USP43: variants seen among roughly 807,000 people sequenced by gnomAD.
The protein encoded by USP43 is ubiquitin specific peptidase 43, also known as ubiquitin carboxyl-terminal hydrolase 43.
A neutral mutation model predicts 90.7 loss-of-function variants in USP43; 33 were observed. That is an observed-to-expected ratio of 0.36 (90% CI 0.28 to 0.49). The LOEUF (loss-of-function observed/expected upper bound fraction) is 0.49, where lower values mean the gene tolerates loss of function less well. Among genes scored for constraint, USP43 ranks in the 20% least tolerant of loss-of-function variants. USP43 has a pLI of 0.98. For synonymous variants in USP43, 598 were observed against 615.8 expected, an observed-to-expected ratio of 0.97 and a Z score of 0.43; for missense variants, 1,274 against 1,476.4, an observed-to-expected ratio of 0.86 and a Z score of 2.25.
intron 1 of USP43, among the ~76,000 whole-genome samples, chr17:9,649,892 T>G (rs1367874806): frequency 2.0e-5 from 3 of 152,072 alleles, no homozygotes; most frequent in African/African-American, 7.2e-5. Flanking sequence ...AATTAAGTCT[T>G]TAACAATTAA....
intron 5 of USP43, among the ~76,000 whole-genome samples, chr17:9,679,499 C>G (rs1201891689): frequency 2.7e-5 from 4 of 150,086 alleles, no homozygotes. Flanking sequence ...GCCACGGTGC[C>G]CAGCCCTGAA....
chr17:9,717,889 C>A (rs1047972128), intron 14 of USP43, among the ~76,000 whole-genome samples: 1 of 151,716 alleles, frequency 6.6e-6, no homozygotes, highest in Non-Finnish European at 1.5e-5. Context: ...CTCCGCCTCC[C>A]GGGTTCAAGC....
intron 12 of USP43, among the ~76,000 whole-genome samples, chr17:9,705,359 TC>T (rs1170322369): frequency 6.6e-6 from 1 of 152,064 alleles, no homozygotes; most frequent in Non-Finnish European, 1.5e-5. Flanking sequence ...CTAGACAGCT[TC>T]TCCATCTTCT....
rs1379329349 is a variant in USP43, at chr17:9,727,987, T to C, written c.2369T>C (p.Val790Ala). Residue 790 changes from valine (V) to alanine (A), a missense_variant, in exon 15 of 15, where the codon GTG (valine) becomes GCG (alanine). This residue lies in a region of USP43 where 285 missense variants were observed against 349.6 expected (regional missense o/e 0.82). Transcript: ENST00000285199. ...GLEPRRLVRG[V>A]KGRSISMKAP... is the part of the protein sequence containing the mutation. The stretch of plus-strand genomic sequence containing the variant: ...GAGCCCAGGCGTTTGGTACGGGGCG[T>C]GAAAGGCAGAAGCATTAGCATGAAG... 5.6e-6 allele frequency: 9 copies of C among 1,610,786 alleles called. No individual in the cohort carries two copies. Among genetic ancestry groups the C allele is most frequent in the Non-Finnish European group, 7.6e-6 (9 of 1,177,438 alleles).
At chr17:9,652,846 G>T (rs997410192) in intron 1 of USP43, among the ~76,000 whole-genome samples, 2 of 152,082 alleles carry the variant, frequency 1.3e-5, no homozygotes, top group African/African-American at 2.4e-5. Context: ...ATTATTCTAT[G>T]ATAACCATTT....
intron 12 of USP43, among the ~76,000 whole-genome samples, chr17:9,706,631 A>ATTTTTTTTTT (rs34165346): frequency 1.2e-5 from 1 of 84,436 alleles, no homozygotes; most frequent in Non-Finnish European, 2.2e-5. Flanking sequence ...TCAGATATTA[A>ATTTTTTTTTT]TTTTTTTTTT....
chr17:9,688,995 C>T (rs1033596908), intron 8 of USP43, among the ~76,000 whole-genome samples: 1 of 152,108 alleles, frequency 6.6e-6, no homozygotes, highest in African/African-American at 2.4e-5. Flanking sequence ...AGCCCAATTT[C>T]AATTTTAGAA....
Position 9,645,868 on chromosome 17 carries a change from G to A in USP43, c.236G>A (p.Arg79His), listed in dbSNP as rs530371655. Residue 79 changes from arginine (R) to histidine (H), a missense_variant, in exon 1 of 15, where the codon CGC (arginine) becomes CAC (histidine). Arg to His is a conservative substitution (Grantham distance 29). This residue lies in a region of USP43 where 259 missense variants were observed against 373.7 expected (regional missense o/e 0.69). Transcript: ENST00000285199. The surrounding 1 kb of genome is among the most constrained non-coding windows in gnomAD (Gnocchi z 6.8). ...PAAPGSPGEE[R>H]PPGPQPQLQL... ...GCCCCCGGGAGCCCCGGGGAGGAAC[G>A]CCCGCCCGGACCCCAGCCCCAGCTC... The A allele has an allele frequency of 8.4e-6, 12 of 1,423,740 alleles. No individual in the cohort carries two copies. In the East Asian group the frequency reaches 3.3e-4, roughly 40 times the overall value. 88.2% of individuals were successfully genotyped at this position (1,423,740 alleles called of 1,614,324 possible). A position where few individuals can be genotyped will look rare whatever the true frequency, so the allele number is the denominator to read the frequency against.
At position 9,701,808 on chromosome 17, in the gene USP43, TC is replaced by T; in HGVS notation, c.2011+110del. 2 of 959,538 alleles carry T rather than the reference TC, an allele frequency of 2.1e-6. No homozygotes were observed. Among genetic ancestry groups the T allele is most frequent in the Non-Finnish European group, 3.0e-6 (2 of 668,670 alleles). The allele number at this position is 959,538 out of a possible 1,614,324, so 59.4% of individuals were successfully genotyped here. ...GAGCTCCCTGGGGCACTTATTGAGA[TC>T]CGACCCCTCACCCACCGCACACCAG... On this transcript the variant is annotated intron_variant, in intron 12 of 14. Transcript: ENST00000285199. The surrounding 1 kb of genome is among the most constrained non-coding windows in gnomAD (Gnocchi z 7.2).
In USP43 at chr17:9,716,036, AAT is replaced by A. The variant is rs985313244; in HGVS notation, c.2335+3905_2335+3906del. The stretch of plus-strand genomic sequence containing the variant: ...GTGTGTATGTGTCTGTGTATGTGAG[AAT>A]GTGTTTGTGTGTATGAGTGTGCTTG... On this transcript the variant is annotated intron_variant, in intron 14 of 14. Coordinates refer to ENST00000285199, the MANE Select transcript of USP43 (RefSeq NM_153210.5). Among the ~76,000 whole-genome samples, 6 of 147,816 alleles carry A rather than the reference AAT, an allele frequency of 4.1e-5. No homozygotes were observed. The East Asian group carries it at 8.0e-4, about 20-fold the overall frequency.
intron 14 of USP43, among the ~76,000 whole-genome samples, chr17:9,722,995 G>T (rs1481912126): frequency 2.0e-5 from 3 of 152,148 alleles, no homozygotes; most frequent in South Asian, 2.1e-4. Flanking sequence ...ATCTTGAGGT[G>T]GTGGGTCTGG....
At chr17:9,661,777 C>A (rs536173516) in intron 2 of USP43, among the ~76,000 whole-genome samples, 1 of 152,178 alleles carries the variant, frequency 6.6e-6, no homozygotes, top group African/African-American at 2.4e-5. Context: ...CCCCCTGCTG[C>A]CCCTCACTCC....
intron 12 of USP43, among the ~76,000 whole-genome samples, chr17:9,704,201 G>A (rs1317213402): frequency 6.6e-6 from 1 of 152,170 alleles, no homozygotes; most frequent in Non-Finnish European, 1.5e-5. Flanking sequence ...CATAGAGTGT[G>A]CTTACCTGTA....
intron 6 of USP43, 142 bp downstream of exon 6, chr17:9,680,508 G>A: frequency 2.1e-6 from 2 of 948,628 alleles, no homozygotes; most frequent in Non-Finnish European, 3.1e-6. Flanking sequence ...TTCGTTGTGT[G>A]CAGATGGTTG....
At chr17:9,705,753 CAA>C (rs376060880) in intron 12 of USP43, among the ~76,000 whole-genome samples, 1 of 89,748 alleles carries the variant, frequency 1.1e-5, no homozygotes, top group Admixed American at 1.2e-4. Flanking sequence ...GACTCTGTCT[CAA>C]AAAAAAAAAA....
At chr17:9,684,927 C>T (rs974193940) in intron 7 of USP43, among the ~76,000 whole-genome samples, 6 of 152,186 alleles carry the variant, frequency 3.9e-5, no homozygotes, top group Non-Finnish European at 8.8e-5. Flanking sequence ...ATTGGTATGG[C>T]TTCTTTGGAG....
At chr17:9,680,621 C>T (rs1370020231) in intron 6 of USP43, among the ~76,000 whole-genome samples, 3 of 152,098 alleles carry the variant, frequency 2.0e-5, no homozygotes, top group Non-Finnish European at 4.4e-5. Flanking sequence ...GGACCCTACC[C>T]ACAGAGTTTA....
chr17:9,705,364 ATCT>A (rs1915810903), intron 12 of USP43, among the ~76,000 whole-genome samples: 1 of 147,770 alleles, frequency 6.8e-6, no homozygotes, highest in Non-Finnish European at 1.5e-5. Context: ...CAGCTTCTCC[ATCT>A]TCTTTTATAA....
At chr17:9,708,929 T>C (rs1486687138) in intron 12 of USP43, among the ~76,000 whole-genome samples, 1 of 151,790 alleles carries the variant, frequency 6.6e-6, no homozygotes, top group Non-Finnish European at 1.5e-5. Context: ...GCCCGGCCTG[T>C]TTTTTTTCCC....
Sources: gnomAD v4.1 joint callset for allele counts (sites outside exome capture counted in the v4.1 genomes callset) on GRCh38, gnomAD v4.1.1 for gene constraint, gnomAD v4.1.1 regional missense constraint, Gnocchi (gnomAD v3.1) non-coding constraint, MANE v1.5 for transcripts, NCBI Gene and HGNC (gene_info 2026-07-23, HGNC 2026-07-21) for gene names.